SUSD1: variants seen among roughly 807,000 people sequenced by gnomAD.
The protein encoded by SUSD1 is sushi domain containing 1, also known as sushi domain-containing protein 1.
A neutral mutation model predicts 86.9 loss-of-function variants in SUSD1; 65 were observed. The observed-to-expected ratio is 0.75, with a 90% CI of 0.61 to 0.92. The LOEUF (loss-of-function observed/expected upper bound fraction) is 0.92, where lower values mean the gene tolerates loss of function less well. SUSD1 is among the 40% of genes least tolerant of loss of function. The pLI, the probability that SUSD1 is intolerant of heterozygous loss-of-function variation, is 0.00. For synonymous variants in SUSD1, 346 were observed against 350.0 expected (o/e 0.99, Z 0.13); for missense variants, 850 against 929.7 (o/e 0.91, Z 1.11).
At chr9:112,143,418 C>G in intron 4 of SUSD1, 53 bp downstream of exon 4, 4 of 1,590,954 alleles carry the variant, frequency 2.5e-6, no homozygotes, top group Non-Finnish European at 2.6e-6. Flanking sequence ...AGAAGAAAGT[C>G]ACCATCAACA....
chr9:112,112,852 A>C lies in SUSD1; in HGVS notation c.903T>G (p.Ile301Met). 6.2e-7 allele frequency: 1 copy of C among 1,611,576 alleles called. No individual in the cohort carries two copies. The change falls in exon 7 of 17, where the codon ATT becomes ATG. Residue 301 changes from isoleucine to methionine, a missense_variant. Coordinates refer to ENST00000374270, the MANE Select transcript of SUSD1 (RefSeq NM_022486.5). ...TLTCTEILTK[I>M]NDVSLFNDTC... Reference sequence around the variant, plus strand: ...TATCATTAAACAGTGATACATCATTAATCTTTGTCAGAATTTCTAAAAGAG... The same window carrying C: ...TATCATTAAACAGTGATACATCATTCATCTTTGTCAGAATTTCTAAAAGAG...
At chr9:112,069,096 A>G (rs1195098516) in intron 12 of SUSD1, among the ~76,000 whole-genome samples, 1 of 152,058 alleles carries the variant, frequency 6.6e-6, no homozygotes, top group Non-Finnish European at 1.5e-5. Flanking sequence ...GGAGGAGTGA[A>G]CGTGGCCACC....
chr9:112,082,829 T>A (rs1333890719), intron 10 of SUSD1, among the ~76,000 whole-genome samples: 1 of 152,138 alleles, frequency 6.6e-6, no homozygotes, highest in Non-Finnish European at 1.5e-5. Context: ...GTGATCCCCC[T>A]GCCTCAGTCT....
intron 12 of SUSD1, among the ~76,000 whole-genome samples, chr9:112,072,019 A>C (rs779941758): frequency 1.3e-5 from 2 of 152,190 alleles, no homozygotes; most frequent in Non-Finnish European, 2.9e-5. Context: ...TCACATGTAC[A>C]TCCTCAGTAG....
At chr9:112,053,194 T>A (rs1013269653) in intron 14 of SUSD1, among the ~76,000 whole-genome samples, 2 of 144,930 alleles carry the variant, frequency 1.4e-5, no homozygotes, top group Non-Finnish European at 3.0e-5. Context: ...ATTTTATTAA[T>A]TTTTTTTTTA....
chr9:112,082,673 C>A (rs570516091), intron 10 of SUSD1, among the ~76,000 whole-genome samples: 3 of 152,148 alleles, frequency 2.0e-5, no homozygotes, highest in Admixed American at 6.5e-5. Flanking sequence ...ACACTTCCGA[C>A]CTCCAGAACT....
intron 3 of SUSD1, among the ~76,000 whole-genome samples, chr9:112,147,436 G>C (rs1832851462): frequency 1.3e-5 from 2 of 152,148 alleles, no homozygotes; most frequent in Admixed American, 6.5e-5. Context: ...GGAATCGCTT[G>C]AACGCAGGAG....
At chr9:112,054,606 T>C (rs564293102) in intron 14 of SUSD1, among the ~76,000 whole-genome samples, 1 of 152,066 alleles carries the variant, frequency 6.6e-6, no homozygotes, top group East Asian at 1.9e-4. Context: ...AAAAGTTTTT[T>C]CAACAAATGG....
intron 1 of SUSD1, among the ~76,000 whole-genome samples, chr9:112,165,336 T>C (rs571284390): frequency 1.1e-4 from 17 of 151,946 alleles, no homozygotes; most frequent in African/African-American, 3.6e-4. Flanking sequence ...TTTTAAAATA[T>C]ACAATTAAAT....
At position 112,080,218 on chromosome 9, in the gene SUSD1, A is replaced by T; in HGVS notation, c.1475-53T>A. On this transcript the variant is annotated intron_variant, in intron 10 of 16. Coordinates refer to ENST00000374270, the MANE Select transcript of SUSD1 (RefSeq NM_022486.5). The stretch of plus-strand genomic sequence containing the variant: ...ATTTACACTCTATAGAAAAAATGCT[A>T]CCTTTTAATTGAGCCATTTTTCCAA... 22 of 1,336,274 alleles carry T rather than the reference A, an allele frequency of 1.6e-5. 1 individual carries two copies. Among genetic ancestry groups the T allele is most frequent in the Non-Finnish European group, 2.4e-5 (22 of 930,946 alleles). The allele number at this position is 1,336,274 out of a possible 1,614,324, so 82.8% of individuals were successfully genotyped here.
chr9:112,153,429 C>A (rs753561987), intron 2 of SUSD1, among the ~76,000 whole-genome samples: 7 of 152,162 alleles, frequency 4.6e-5, no homozygotes, highest in Admixed American at 6.6e-5. Flanking sequence ...GAGCTGTCAT[C>A]TCCTATGATA....
rs78576805 is a variant in SUSD1, at chr9:112,120,132, G to A, written c.886+4125C>T. 5.8e-3 allele frequency among the ~76,000 whole-genome samples: 878 copies of A among 152,220 alleles called. 6 individuals are homozygous for A. The highest frequency in any genetic ancestry group is 8.8e-3 in the Non-Finnish European group (600 of 67,996). On this transcript the variant is annotated intron_variant, in intron 6 of 16. Transcript: ENST00000374270. The stretch of plus-strand genomic sequence containing the variant: ...GCCTGGGCAACATAGTGAGACACCC[G>A]TCTCTACAAAAAACATTTTTAAAAT...
At chr9:112,164,652 CA>C (rs1833702233) in intron 1 of SUSD1, among the ~76,000 whole-genome samples, 1 of 151,214 alleles carries the variant, frequency 6.6e-6, no homozygotes, top group Non-Finnish European at 1.5e-5. Context: ...AAAATACAAA[CA>C]AAACACCTGG....
chr9:112,115,814 A>AAAAAAG lies in SUSD1; in HGVS notation c.887-2947_887-2946insCTTTTT, dbSNP rs1554766261. ...GCAGAATGAGACTCCATTGCAAAAA[A>AAAAAAG]AAAAAAAAAGAAAAAAAAAAGAAAA... On this transcript the variant is annotated intron_variant, in intron 6 of 16. Coordinates refer to ENST00000374270, the MANE Select transcript of SUSD1 (RefSeq NM_022486.5). 7.3e-4 allele frequency among the ~76,000 whole-genome samples: 14 copies of AAAAAAG among 19,258 alleles called. 1 individual carries two copies. Among genetic ancestry groups the AAAAAAG allele is most frequent in the African/African-American group, 2.3e-3 (11 of 4,762 alleles). The allele number at this position is 19,258 out of a possible 152,430, so 12.6% of individuals were successfully genotyped here.
At chr9:112,140,195 T>C (rs1477564800) in intron 5 of SUSD1, among the ~76,000 whole-genome samples, 2 of 127,392 alleles carry the variant, frequency 1.6e-5, no homozygotes, top group East Asian at 2.0e-4. Flanking sequence ...ACCCCGTCTC[T>C]ACCAAAAATA....
chr9:112,062,073 G>C (rs570684157), intron 13 of SUSD1, among the ~76,000 whole-genome samples: 33 of 152,208 alleles, frequency 2.2e-4, no homozygotes, highest in Non-Finnish European at 3.5e-4. Context: ...AATGCCATCT[G>C]GAATCCCAGA....
At chr9:112,079,137 CCTCTCT>C (rs372661148) in intron 11 of SUSD1, among the ~76,000 whole-genome samples, 1 of 149,928 alleles carries the variant, frequency 6.7e-6, no homozygotes, top group Non-Finnish European at 1.5e-5. Context: ...GAGCTTTCTT[CCTCTCT>C]CTCTCTCTCT....
rs757050491 is a variant in SUSD1, at chr9:112,063,000, A to G, written c.1787T>C (p.Val596Ala). The change falls in exon 13 of 17, where the codon GTG (valine) becomes GCG (alanine). Residue 596 changes from valine to alanine, a missense_variant. Physicochemically the swap from Val to Ala is moderately conservative, Grantham distance 64. Coordinates refer to ENST00000374270, the MANE Select transcript of SUSD1 (RefSeq NM_022486.5). The part of the protein sequence containing the change: ...PPLPEVEFFT[V>A]HRGPLPRLRL... ...GAGGCGTGGTAGAGGTCCTCTGTGC[A>G]CCGTAAAAAATTCTACTTCCGGGAG... The G allele has an allele frequency of 1.1e-5, 18 of 1,613,600 alleles. No individual in the cohort carries two copies. The highest frequency in any genetic ancestry group is 1.5e-5 in the Non-Finnish European group (18 of 1,179,660).
At position 112,111,812 on chromosome 9, in the gene SUSD1, G is replaced by A. The variant is rs779392704; in HGVS notation, c.1013C>T (p.Pro338Leu). Residue 338 changes from proline to leucine, a missense_variant, in exon 8 of 17, where the codon CCT becomes CTT. Coordinates refer to ENST00000374270, the MANE Select transcript of SUSD1 (RefSeq NM_022486.5). ...VISIKGQRLDPMESVREETVN... is the reference protein window; with the variant it reads ...VISIKGQRLDLMESVREETVN... Reference sequence around the variant, plus strand: ...TGTCTCCTCACGAACTGATTCCATAGGGTCCAACCGTTGTCCTTTTATGGA... The same window carrying A: ...TGTCTCCTCACGAACTGATTCCATAAGGTCCAACCGTTGTCCTTTTATGGA... 2.0e-5 allele frequency: 33 copies of A among 1,614,040 alleles called. No individual in the cohort carries two copies. The highest frequency in any genetic ancestry group is 2.5e-5 in the Non-Finnish European group (30 of 1,179,984).
Sources: gnomAD v4.1 joint callset for allele counts (sites outside exome capture counted in the v4.1 genomes callset) on GRCh38, gnomAD v4.1.1 for gene constraint, MANE v1.5 for transcripts, NCBI Gene and HGNC (gene_info 2026-07-23, HGNC 2026-07-21) for gene names.